The following LUZP2 variants were observed in gnomAD, a reference collection of about 807,000 sequenced individuals.
LUZP2 encodes the protein leucine zipper protein 2.
In LUZP2, 52 loss-of-function variants were observed where a neutral mutation model predicts 51.6. That is an observed-to-expected ratio of 1.01 (90% CI 0.81 to 1.27). The LOEUF (loss-of-function observed/expected upper bound fraction) is 1.27. Ranked by LOEUF, LUZP2 falls within the 50% of genes most tolerant of loss-of-function variation. The pLI is 0.00. For synonymous variants in LUZP2, 154 were observed against 137.3 expected (o/e 1.12, Z -0.85); for missense variants, 436 against 395.4 (o/e 1.10, Z -0.87).
At chr11:25,028,788 C>T (rs961450391) in intron 9 of LUZP2, among the ~76,000 whole-genome samples, 2 of 151,832 alleles carry the variant, frequency 1.3e-5, no homozygotes, top group African/African-American at 4.8e-5. Context: ...TAGTTTCTAG[C>T]CTCAATTCCT....
rs893864670 is a variant in LUZP2 at position 24,514,100 on chromosome 11, A to C, written c.62+16795A>C. Among the ~76,000 whole-genome samples the C allele has an allele frequency of 2.6e-5, 4 of 152,324 alleles. No homozygotes were observed. The South Asian group carries it at 8.3e-4, about 32-fold the overall frequency. ...TGAGTGGTACCCCTAAACAGTGCCC[A>C]TAAACAGAAGCATGTGGCATATCCC... On this transcript the variant is annotated intron_variant, in intron 1 of 11. Transcript: ENST00000336930.
chr11:25,007,502 C>G (rs1856866174), intron 9 of LUZP2, among the ~76,000 whole-genome samples: 1 of 152,096 alleles, frequency 6.6e-6, no homozygotes, highest in South Asian at 2.1e-4. Context: ...ACTCAGGAGG[C>G]TGAGGTAGGA....
At chr11:24,823,483 T>C (rs56124410) in intron 5 of LUZP2, among the ~76,000 whole-genome samples, 7,340 of 152,014 alleles carry the variant, frequency 0.048, 274 homozygotes, top group East Asian at 0.13. Flanking sequence ...ACAAAATATT[T>C]AAGAATTGTA....
rs183018808 is a variant in LUZP2 at position 24,507,887 on chromosome 11, G to A, written c.62+10582G>A. Reference sequence around the variant, plus strand: ...AAGAAATGTGTGAATTAAATAGAATGTGCAACTATGCCAGTCATATTGCCC... The same window carrying A: ...AAGAAATGTGTGAATTAAATAGAATATGCAACTATGCCAGTCATATTGCCC... On this transcript the variant is annotated intron_variant, in intron 1 of 11. Transcript: ENST00000336930. Among the ~76,000 whole-genome samples the A allele has an allele frequency of 2.7e-3, 417 of 151,962 alleles. 7 individuals are homozygous for A. Among genetic ancestry groups the A allele is most frequent in the African/African-American group, 9.7e-3 (403 of 41,494 alleles).
intron 10 of LUZP2, among the ~76,000 whole-genome samples, chr11:25,051,182 G>C (rs577972684): frequency 6.6e-6 from 1 of 152,046 alleles, no homozygotes; most frequent in Non-Finnish European, 1.5e-5. Flanking sequence ...AGTGGATTTA[G>C]AAAAATGAAT....
chr11:25,052,411 A>C (rs1038576236), intron 10 of LUZP2, among the ~76,000 whole-genome samples: 1 of 152,188 alleles, frequency 6.6e-6, no homozygotes, highest in African/African-American at 2.4e-5. Context: ...GGTAAGGTCT[A>C]GACATTAGTT....
chr11:25,068,876 A>G lies in LUZP2; in HGVS notation c.859-8453A>G, dbSNP rs1048926043. The stretch of plus-strand genomic sequence containing the variant: ...TTGATGCATCCCCCTCACTTACAGA[A>G]TGTTTACTTCTGCTTTTTTGTCCTC... On this transcript the variant is annotated intron_variant, in intron 10 of 11. Transcript: ENST00000336930. Among the ~76,000 whole-genome samples, 3 of 151,954 alleles carry G rather than the reference A, an allele frequency of 2.0e-5. No individual in the cohort carries two copies. In the South Asian group the frequency reaches 6.2e-4, roughly 31 times the overall value.
intron 1 of LUZP2, among the ~76,000 whole-genome samples, chr11:24,678,530 A>C (rs532170855): frequency 6.8e-6 from 1 of 146,858 alleles, no homozygotes; most frequent in African/African-American, 2.5e-5. Context: ...GAAGGAAAAA[A>C]TATTAAAAGA....
At chr11:24,787,106 T>G (rs1256420507) in intron 5 of LUZP2, among the ~76,000 whole-genome samples, 3 of 152,164 alleles carry the variant, frequency 2.0e-5, no homozygotes, top group African/African-American at 7.2e-5. Flanking sequence ...TAAAAAGACC[T>G]TATTATTTCA....
intron 1 of LUZP2, among the ~76,000 whole-genome samples, chr11:24,669,676 T>A (rs1056222526): frequency 3.3e-5 from 5 of 152,058 alleles, no homozygotes; most frequent in Non-Finnish European, 7.4e-5. Flanking sequence ...AAACTTTCAG[T>A]AGCTAAACTT....
chr11:24,697,729 T>C (rs1332599482), intron 1 of LUZP2, among the ~76,000 whole-genome samples: 3 of 152,216 alleles, frequency 2.0e-5, no homozygotes. Context: ...CCAGCCATTG[T>C]TTCTTAGTTG....
At chr11:24,660,379 A>G (rs1388435693) in intron 1 of LUZP2, among the ~76,000 whole-genome samples, 1 of 152,200 alleles carries the variant, frequency 6.6e-6, no homozygotes, top group Non-Finnish European at 1.5e-5. Flanking sequence ...TGCTACAACT[A>G]TAATGTGATG....
At chr11:24,797,235 A>G (rs984822903) in intron 5 of LUZP2, among the ~76,000 whole-genome samples, 1 of 152,170 alleles carries the variant, frequency 6.6e-6, no homozygotes, top group Non-Finnish European at 1.5e-5. Flanking sequence ...CATTCTGAAT[A>G]GTCAAACACA....
chr11:24,602,007 T>TGC (rs1853681120), intron 1 of LUZP2, among the ~76,000 whole-genome samples: 1 of 143,976 alleles, frequency 6.9e-6, no homozygotes, highest in African/African-American at 2.5e-5. Flanking sequence ...TGTATATATA[T>TGC]GTATATATGT....
At chr11:25,010,964 A>C (rs2133957909) in intron 9 of LUZP2, among the ~76,000 whole-genome samples, 1 of 152,300 alleles carries the variant, frequency 6.6e-6, no homozygotes, top group South Asian at 2.1e-4. Flanking sequence ...GCTTCTTATA[A>C]GTAGATAGAT....
At chr11:24,574,434 A>G (rs1291433281) in intron 1 of LUZP2, among the ~76,000 whole-genome samples, 1 of 140,868 alleles carries the variant, frequency 7.1e-6, no homozygotes, top group Non-Finnish European at 1.5e-5. Flanking sequence ...TTTGTGTGTT[A>G]GTTAGTATAT....
At chr11:24,888,727 A>G (rs1347302377) in intron 5 of LUZP2, among the ~76,000 whole-genome samples, 1 of 152,116 alleles carries the variant, frequency 6.6e-6, no homozygotes, top group African/African-American at 2.4e-5. Flanking sequence ...TGTAGTCCCC[A>G]TAATCTCCAT....
chr11:24,920,349 C>T (rs1359898549), intron 7 of LUZP2, among the ~76,000 whole-genome samples: 2 of 151,970 alleles, frequency 1.3e-5, no homozygotes, highest in Non-Finnish European at 2.9e-5. Context: ...TATAGTGATA[C>T]ATTTTTCCCT....
At chr11:25,011,079 T>A in intron 9 of LUZP2, among the ~76,000 whole-genome samples, 2 of 152,104 alleles carry the variant, frequency 1.3e-5, no homozygotes, top group East Asian at 3.9e-4. Flanking sequence ...ACATCATAGT[T>A]AATGGGTTAA....
Sources: gnomAD v4.1 joint callset for allele counts (sites outside exome capture counted in the v4.1 genomes callset) on GRCh38, gnomAD v4.1.1 for gene constraint, MANE v1.5 for transcripts, NCBI Gene and HGNC (gene_info 2026-07-23, HGNC 2026-07-21) for gene names.